The following C1orf167 variants were observed in gnomAD, a reference collection of about 807,000 sequenced individuals.
C1orf167 encodes uncharacterized protein C1orf167.
C1orf167 carries 153 observed loss-of-function variants against 176.5 expected under a neutral mutation model. That is an observed-to-expected ratio of 0.87 (90% CI 0.76 to 0.99). C1orf167 has a LOEUF of 0.99. C1orf167 is among the 50% of genes least tolerant of loss of function. The pLI, the probability that C1orf167 is intolerant of heterozygous loss-of-function variation, is 0.00. For synonymous variants in C1orf167, 594 were observed against 752.7 expected, an observed-to-expected ratio of 0.79 and a Z score of 3.45; for missense variants, 1,490 against 1,817.7, an observed-to-expected ratio of 0.82 and a Z score of 3.28.
intron 16 of C1orf167, chr1:11,786,642 T>C (rs1643880909): frequency 6.6e-6 from 1 of 150,436 alleles, no homozygotes; most frequent in Non-Finnish European, 1.5e-5. Flanking sequence ...GATCTCACTA[T>C]GTTGCCAGGG....
intron 8 of C1orf167, among the ~76,000 whole-genome samples, chr1:11,772,786 C>A (rs1163629170): frequency 1.3e-5 from 2 of 152,118 alleles, no homozygotes; most frequent in Non-Finnish European, 2.9e-5. Flanking sequence ...AACTAGCAGT[C>A]CCAAGGGTGT....
In C1orf167 at chr1:11,779,263, A is replaced by G. The variant is rs2100360372; in HGVS notation, c.2651+183A>G. 7.6e-6 allele frequency: 3 copies of G among 396,118 alleles called. No homozygotes were observed. The South Asian group carries it at 9.4e-5, about 12-fold the overall frequency. The allele number at this position is 396,118 out of a possible 1,614,324, so 24.5% of individuals were successfully genotyped here. On this transcript the variant is annotated intron_variant, in intron 12 of 20. Transcript: ENST00000688073. ...GTGTCGGGGAGTGGTGAGGCACTCTACAGAGTCACTGTTCCTCTTGGAGAT... is the reference window on the plus strand; with the variant it reads ...GTGTCGGGGAGTGGTGAGGCACTCTGCAGAGTCACTGTTCCTCTTGGAGAT...
chr1:11,778,291 CAAAAAAAAAAAAA>C (rs70983596), intron 10 of C1orf167: 2 of 75,600 alleles, frequency 2.6e-5, no homozygotes, highest in African/African-American at 1.1e-4. Flanking sequence ...GACCCTGTCT[CAAAAAAAAAAAAA>C]AAAAAAAAAA....
intron 14 of C1orf167, among the ~76,000 whole-genome samples, chr1:11,782,739 G>T (rs1474061362): frequency 6.6e-6 from 1 of 152,086 alleles, no homozygotes; most frequent in Non-Finnish European, 1.5e-5. Flanking sequence ...TGGCCAACAT[G>T]GTGAAACCCC....
Position 11,766,203 on chromosome 1 carries a change from T to TG in C1orf167, c.422dup (p.Ser142LysfsTer37), listed in dbSNP as rs894900523. 1.2e-5 allele frequency: 15 copies of TG among 1,289,660 alleles called. No homozygotes were observed. Among genetic ancestry groups the TG allele is most frequent in the Middle Eastern group, 2.1e-4 (1 of 4,694 alleles). The allele number at this position is 1,289,660 out of a possible 1,614,324, so 79.9% of individuals were successfully genotyped here. A position where few individuals can be genotyped will look rare whatever the true frequency, so the allele number is the denominator to read the frequency against. ...GCAGCCCCCACCTCTGCCCAGAGCC[T>TG]GGGGGAAGCTCTGGGCCCCACAAGC... On this transcript the variant is annotated frameshift_variant, in exon 3 of 21. Coordinates refer to ENST00000688073, the MANE Select transcript of C1orf167 (RefSeq NM_001010881.2). LOFTEE classifies it high-confidence loss of function. This position sits in a 1 kb window ranked among gnomAD's most constrained non-coding sequence, Gnocchi z 4.5.
At chr1:11,774,304 C>T (rs980156550) in intron 8 of C1orf167, among the ~76,000 whole-genome samples, 3 of 152,198 alleles carry the variant, frequency 2.0e-5, no homozygotes, top group Non-Finnish European at 4.4e-5. Context: ...ACCTCGGCTT[C>T]CCTGAGTGCT....
At chr1:11,782,476 T>G in intron 14 of C1orf167, 143 bp downstream of exon 14, 1 of 832,700 alleles carries the variant, frequency 1.2e-6, no homozygotes, top group Non-Finnish European at 1.6e-6. Flanking sequence ...AGGGAGATCC[T>G]AGCCTGGAAA....
intron 6 of C1orf167, 72 bp from the exon 7 acceptor site, chr1:11,771,452 G>T: frequency 1.0e-6 from 1 of 953,588 alleles, no homozygotes; most frequent in South Asian, 1.4e-5. Flanking sequence ...GCCTGGGGTG[G>T]GGCGGACAGG....
At chr1:11,771,998 C>T in intron 7 of C1orf167, 84 bp from the exon 8 acceptor site, 3 of 1,095,730 alleles carry the variant, frequency 2.7e-6, no homozygotes, top group Non-Finnish European at 3.6e-6. Context: ...GCGACAGGCA[C>T]CCCACATGTC....
At position 11,771,522 on chromosome 1, in the gene C1orf167, A is replaced by C; in HGVS notation, c.1698-2A>C. On this transcript the variant is annotated splice_acceptor_variant, in intron 6 of 20. Transcript: ENST00000688073. LOFTEE classifies it high-confidence loss of function. ...CTTCTCTCTGGGCAACTTTGCTTTT[A>C]GTCCAGGAAGTCTGAGGGAGGAGGA... 3 of 1,289,302 alleles carry C rather than the reference A, an allele frequency of 2.3e-6. No individual in the cohort carries two copies. The highest frequency in any genetic ancestry group is 3.0e-6 in the Non-Finnish European group (3 of 988,460). The allele number at this position is 1,289,302 out of a possible 1,614,324, so 79.9% of individuals were successfully genotyped here.
Position 11,768,628 on chromosome 1 carries a change from G to A in C1orf167, c.1543-345G>A, listed in dbSNP as rs1010664825. On this transcript the variant is annotated intron_variant, in intron 5 of 20. Coordinates refer to ENST00000688073, the MANE Select transcript of C1orf167 (RefSeq NM_001010881.2). The surrounding 1 kb of genome is among the most constrained non-coding windows in gnomAD (Gnocchi z 4.5). ...CAGAACTCTGCCTAGCATATAGCAA[G>A]CTAGTAGATAAGTGGTTGCTATTTT... 2.0e-5 allele frequency among the ~76,000 whole-genome samples: 3 copies of A among 152,194 alleles called. No individual in the cohort carries two copies. The highest frequency in any genetic ancestry group is 4.8e-5 in the African/African-American group (2 of 41,426).
intron 3 of C1orf167, 43 bp downstream of exon 3, chr1:11,767,128 GT>G: frequency 7.9e-7 from 1 of 1,272,610 alleles, no homozygotes; most frequent in Non-Finnish European, 1.0e-6. Flanking sequence ...GGGGTAGGAG[GT>G]GTTGCTCCAG....
chr1:11,787,231 G>T, intron 16 of C1orf167, 157 bp from the exon 17 acceptor site: 1 of 296,552 alleles, frequency 3.4e-6, no homozygotes, highest in Non-Finnish European at 6.6e-6. Flanking sequence ...ACTATTATGG[G>T]CCCACCCCAT....
rs937377212 is a variant in C1orf167, at chr1:11,785,304, C to T, written c.3567+15C>T. ...GGGCCGGCAAGGTACGCCCCAAGCC[C>T]CAGACTGACCTCACGCTCTGGCCCC... On this transcript the variant is annotated intron_variant, in intron 16 of 20. Transcript: ENST00000688073. 4.3e-5 allele frequency: 54 copies of T among 1,269,674 alleles called. 1 individual carries two copies. The Admixed American group carries it at 1.3e-3, about 30-fold the overall frequency. The allele number at this position is 1,269,674 out of a possible 1,614,324, so 78.7% of individuals were successfully genotyped here. A position where few individuals can be genotyped will look rare whatever the true frequency, so the allele number is the denominator to read the frequency against.
At chr1:11,780,409 C>A (rs1643540559) in intron 13 of C1orf167, among the ~76,000 whole-genome samples, 1 of 152,138 alleles carries the variant, frequency 6.6e-6, no homozygotes, top group African/African-American at 2.4e-5. Flanking sequence ...TCACCACCCC[C>A]CATACCCTCC....
In C1orf167 at chr1:11,787,950, C is replaced by T; in HGVS notation, c.3751C>T (p.Leu1251=). 1 of 1,304,124 alleles carries T rather than the reference C, an allele frequency of 7.7e-7. No individual in the cohort carries two copies. 80.8% of individuals were successfully genotyped at this position (1,304,124 alleles called of 1,614,324 possible). A position where few individuals can be genotyped will look rare whatever the true frequency, so the allele number is the denominator to read the frequency against. The change falls in exon 18 of 21, where the codon CTG becomes TTG. Residue 1251 remains leucine (L), a synonymous_variant. Transcript: ENST00000688073. ...TGGACAGAGTAGCTGGGTCCCAGGC[C>T]TGCCCCTGTGGACGAGGGACCAGGG... The part of the protein sequence containing the change: ...WPGQSSWVPG[L]PLWTRDQGPR...
rs145919329 is a variant in C1orf167, at chr1:11,766,129, G to C, written c.343G>C (p.Ala115Pro). Residue 115 changes from alanine (A) to proline (P), a missense_variant, in exon 3 of 21, where the codon GCC (alanine) becomes CCC (proline). Transcript: ENST00000688073. The surrounding 1 kb of genome is among the most constrained non-coding windows in gnomAD (Gnocchi z 4.5). ...CCTGGCCAGGAGGCGCCAAGGGAAG[G>C]CCCGAGAGTTTGCCATCCAGCAGAG... ...QSLARRRQGK[A>P]REFAIQQSNL... 37 of 1,289,746 alleles carry C rather than the reference G, an allele frequency of 2.9e-5. No homozygotes were observed. Among genetic ancestry groups the C allele is most frequent in the Non-Finnish European group, 3.5e-5 (35 of 988,888 alleles). The allele number at this position is 1,289,746 out of a possible 1,614,324, so 79.9% of individuals were successfully genotyped here. A position where few individuals can be genotyped will look rare whatever the true frequency, so the allele number is the denominator to read the frequency against.
At position 11,766,885 on chromosome 1, in the gene C1orf167, CAG is replaced by C; in HGVS notation, c.1102_1103del (p.Arg368GlyfsTer2). The C allele has an allele frequency of 1.6e-6, 2 of 1,260,760 alleles. No homozygotes were observed. The highest frequency in any genetic ancestry group is 2.1e-6 in the Non-Finnish European group (2 of 973,058). 78.1% of individuals were successfully genotyped at this position (1,260,760 alleles called of 1,614,324 possible). On this transcript the variant is annotated frameshift_variant, in exon 3 of 21. Coordinates refer to ENST00000688073, the MANE Select transcript of C1orf167 (RefSeq NM_001010881.2). LOFTEE classifies it high-confidence loss of function. The surrounding 1 kb of genome is among the most constrained non-coding windows in gnomAD (Gnocchi z 4.5). ...CSPWSQDGRA[Q>X]RGDPSLPRGV... ...CCCCTGGTCTCAAGATGGCAGGGCACAGAGGGGTGACCCCAGTCTCCCTCGAG... is the reference window on the plus strand; with the variant it reads ...CCCCTGGTCTCAAGATGGCAGGGCACAGGGGTGACCCCAGTCTCCCTCGAG...
intron 4 of C1orf167, among the ~76,000 whole-genome samples, chr1:11,767,775 G>A (rs4846038): frequency 0.97 from 147,908 of 152,166 alleles, 72,009 homozygotes; most frequent in East Asian, 1. Context: ...GCAGTGAACC[G>A]TTATCATGCC....
Sources: allele counts gnomAD v4.1 joint callset (sites outside exome capture counted in the v4.1 genomes callset), GRCh38; gene constraint gnomAD v4.1.1; non-coding constraint Gnocchi (gnomAD v3.1); transcripts MANE v1.5; gene names NCBI Gene and HGNC (gene_info 2026-07-23, HGNC 2026-07-21).